The following SH2D4A variants were observed in gnomAD, a reference collection of about 807,000 sequenced individuals.
The protein encoded by SH2D4A is SH2 domain-containing protein 4A.
SH2D4A carries 70 observed loss-of-function variants against 64.7 expected under a neutral mutation model. That is an observed-to-expected ratio of 1.08 (90% CI 0.89 to 1.32). The LOEUF (loss-of-function observed/expected upper bound fraction) is 1.32. Ranked by LOEUF, SH2D4A falls within the 40% of genes most tolerant of loss-of-function variation. The probability of loss-of-function intolerance (pLI) is 0.00; values close to 1 mark genes in which losing one functional copy is unlikely to be tolerated. For missense variants in SH2D4A, 706 were observed against 540.1 expected (o/e 1.31, Z -3.04); for synonymous variants, 268 against 200.7 (o/e 1.34, Z -2.83).
chr8:19,384,013 A>G (rs1300632492), intron 8 of SH2D4A, among the ~76,000 whole-genome samples: 1 of 152,194 alleles, frequency 6.6e-6, no homozygotes, highest in Non-Finnish European at 1.5e-5. Flanking sequence ...ATTTTGGTTT[A>G]TCAGATTTGT....
intron 8 of SH2D4A, among the ~76,000 whole-genome samples, chr8:19,373,894 C>G (rs112575121): frequency 0.018 from 2,777 of 152,250 alleles, 100 homozygotes; most frequent in African/African-American, 0.063. Context: ...AGACTTATCA[C>G]CACAAATAAA....
chr8:19,393,437 G>A lies in SH2D4A; in HGVS notation c.1168G>A (p.Gly390Ser), dbSNP rs199902841. The part of the protein sequence containing the change: ...GYALSYLSED[G>S]CKHFLIDASA... ...TGCCCTGTCCTATCTGTCGGAGGAC[G>A]GCTGTAAACATTTCCTCATCGATGC... Residue 390 changes from glycine to serine, a missense_variant, in exon 9 of 10, where the codon GGC (glycine) becomes AGC (serine). Coordinates refer to ENST00000265807, the MANE Select transcript of SH2D4A (RefSeq NM_022071.4). The A allele has an allele frequency of 3.0e-5, 49 of 1,614,094 alleles. No individual in the cohort carries two copies. The highest frequency in any genetic ancestry group is 2.5e-4 in the South Asian group (23 of 91,092).
chr8:19,388,962 A>G (rs2053436906), intron 8 of SH2D4A, among the ~76,000 whole-genome samples: 1 of 152,154 alleles, frequency 6.6e-6, no homozygotes, highest in South Asian at 2.1e-4. Context: ...GATGGAGGGG[A>G]AAACTAGCTG....
At chr8:19,345,652 G>A (rs1479750317) in intron 4 of SH2D4A, among the ~76,000 whole-genome samples, 2 of 152,182 alleles carry the variant, frequency 1.3e-5, no homozygotes, top group Non-Finnish European at 2.9e-5. Context: ...GGTCCACCTG[G>A]GTAATAGCTA....
intron 4 of SH2D4A, among the ~76,000 whole-genome samples, chr8:19,336,701 C>CA (rs2052451329): frequency 2.0e-5 from 3 of 151,692 alleles, no homozygotes; most frequent in South Asian, 4.2e-4. Context: ...CCCATCTCTA[C>CA]AAAAAATTAA....
intron 2 of SH2D4A, among the ~76,000 whole-genome samples, chr8:19,321,524 G>C (rs913524663): frequency 6.6e-6 from 1 of 152,168 alleles, no homozygotes; most frequent in Non-Finnish European, 1.5e-5. Flanking sequence ...ATGAAACTTA[G>C]ATAAGTTGAG....
At chr8:19,382,765 A>G (rs2053316326) in intron 8 of SH2D4A, among the ~76,000 whole-genome samples, 1 of 134,002 alleles carries the variant, frequency 7.5e-6, no homozygotes, top group African/African-American at 2.6e-5. Context: ...CTTATTGACC[A>G]TCCTTTGTAT....
chr8:19,391,313 A>C (rs2053488981), intron 8 of SH2D4A, among the ~76,000 whole-genome samples: 1 of 152,152 alleles, frequency 6.6e-6, no homozygotes, highest in Non-Finnish European at 1.5e-5. Flanking sequence ...CTTAGCCATG[A>C]TTTGAGTACC....
intron 4 of SH2D4A, among the ~76,000 whole-genome samples, chr8:19,353,019 A>G (rs2052732248): frequency 6.6e-6 from 1 of 152,096 alleles, no homozygotes; most frequent in African/African-American, 2.4e-5. Flanking sequence ...AAGAACAAAA[A>G]CACAATGACC....
At chr8:19,373,457 TA>T in intron 7 of SH2D4A, 72 bp from the exon 8 acceptor site, 1 of 988,628 alleles carries the variant, frequency 1.0e-6, no homozygotes. Flanking sequence ...TATATATATA[TA>T]TATATATGAC....
At chr8:19,365,908 G>A (rs2052986081) in intron 7 of SH2D4A, among the ~76,000 whole-genome samples, 3 of 151,670 alleles carry the variant, frequency 2.0e-5, no homozygotes, top group Admixed American at 1.3e-4. Context: ...ATATAACTTC[G>A]TATGTGTGCA....
At chr8:19,377,572 C>T (rs1304260107) in intron 8 of SH2D4A, among the ~76,000 whole-genome samples, 2 of 152,082 alleles carry the variant, frequency 1.3e-5, no homozygotes, top group Non-Finnish European at 2.9e-5. Flanking sequence ...GATCATGTTA[C>T]ACATATTGTT....
chr8:19,389,747 T>C (rs560960147), intron 8 of SH2D4A, among the ~76,000 whole-genome samples: 2 of 152,216 alleles, frequency 1.3e-5, no homozygotes, highest in South Asian at 2.1e-4. Flanking sequence ...AAACCCCATC[T>C]CTATGAAAAT....
chr8:19,323,652 A>G (rs1397719101), intron 2 of SH2D4A, among the ~76,000 whole-genome samples: 2 of 152,148 alleles, frequency 1.3e-5, no homozygotes, highest in Non-Finnish European at 2.9e-5. Flanking sequence ...AAGGGCTGGG[A>G]TTACAGGTGT....
intron 1 of SH2D4A, among the ~76,000 whole-genome samples, chr8:19,316,099 G>T (rs1404637453): frequency 6.6e-6 from 1 of 152,094 alleles, no homozygotes; most frequent in African/African-American, 2.4e-5. Flanking sequence ...GGGGTTAGGG[G>T]TTGGGAATTA....
intron 2 of SH2D4A, among the ~76,000 whole-genome samples, chr8:19,329,333 G>A (rs2052334712): frequency 1.3e-5 from 2 of 152,136 alleles, no homozygotes; most frequent in South Asian, 4.1e-4. Flanking sequence ...CAGGGACTTA[G>A]TTCTTTTTTT....
intron 8 of SH2D4A, among the ~76,000 whole-genome samples, chr8:19,377,673 C>T (rs910465439): frequency 2.6e-5 from 4 of 151,914 alleles, no homozygotes; most frequent in African/African-American, 9.7e-5. Context: ...TTATTATATA[C>T]ATTATATATA....
At chr8:19,340,754 T>C (rs2052517554) in intron 4 of SH2D4A, among the ~76,000 whole-genome samples, 1 of 151,870 alleles carries the variant, frequency 6.6e-6, no homozygotes, top group East Asian at 1.9e-4. Context: ...TACAGGCACA[T>C]GTCTGGCTAG....
chr8:19,345,384 T>C (rs934798262), intron 4 of SH2D4A, among the ~76,000 whole-genome samples: 1 of 152,268 alleles, frequency 6.6e-6, no homozygotes, highest in Non-Finnish European at 1.5e-5. Context: ...AGAATGTTTT[T>C]TCTTATCACT....
Sources: allele counts gnomAD v4.1 joint callset (sites outside exome capture counted in the v4.1 genomes callset), GRCh38; gene constraint gnomAD v4.1.1; transcripts MANE v1.5; gene names NCBI Gene and HGNC (gene_info 2026-07-23, HGNC 2026-07-21).